The following TGFBI variants were observed in gnomAD, a reference collection of about 807,000 sequenced individuals.
The protein encoded by TGFBI is transforming growth factor beta induced, also known as transforming growth factor-beta-induced protein ig-h3.
A neutral mutation model predicts 73.7 loss-of-function variants in TGFBI; 50 were observed. The ratio of observed to expected loss-of-function variants is 0.68; its 90% confidence interval spans 0.54 to 0.86. The LOEUF (loss-of-function observed/expected upper bound fraction) is 0.86. TGFBI is among the 40% of genes least tolerant of loss of function. The pLI, the probability that TGFBI is intolerant of heterozygous loss-of-function variation, is 0.00. For missense variants in TGFBI, 839 were observed against 877.0 expected, an observed-to-expected ratio of 0.96 and a Z score of 0.55; for synonymous variants, 362 against 360.5, an observed-to-expected ratio of 1.00 and a Z score of -0.05.
intron 5 of TGFBI, 67 bp downstream of exon 5, chr5:136,047,082 G>C (rs1460517978): frequency 6.3e-7 from 1 of 1,584,448 alleles, no homozygotes; most frequent in East Asian, 2.3e-5. Flanking sequence ...TTCCATGTGT[G>C]GGCTGGTTTC....
chr5:136,041,244 C>G (rs758864783), intron 2 of TGFBI, among the ~76,000 whole-genome samples: 1 of 152,212 alleles, frequency 6.6e-6, no homozygotes, highest in Non-Finnish European at 1.5e-5. Flanking sequence ...GAGAGAGCTT[C>G]CTGGCTGAAA....
At position 136,042,758 on chromosome 5, in the gene TGFBI, T is replaced by C. The variant is rs112119202; in HGVS notation, c.234-1300T>C. 6.7e-3 allele frequency among the ~76,000 whole-genome samples: 1,026 copies of C among 152,322 alleles called. 9 individuals are homozygous for C. Among genetic ancestry groups the C allele is most frequent in the African/African-American group, 0.024 (986 of 41,584 alleles). On this transcript the variant is annotated intron_variant, in intron 2 of 16. Coordinates refer to ENST00000442011, the MANE Select transcript of TGFBI (RefSeq NM_000358.3). ...TAGCAAAGTGACAGCTGCAACTCCC[T>C]GGCCACCTGAGCATCTTAGCTGATC...
chr5:136,055,784 C>G lies in TGFBI; in HGVS notation c.1515C>G (p.Val505=). The G allele has an allele frequency of 6.2e-7, 1 of 1,611,974 alleles. No individual in the cohort carries two copies. Among genetic ancestry groups the G allele is most frequent in the Non-Finnish European group, 8.5e-7 (1 of 1,178,508 alleles). ...DRVLTPPMGT[V]MDVLKGDNRF... Reference sequence around the variant, plus strand: ...TGCTGACCCCCCCAATGGGGACTGTCATGGATGTCCTGAAGGGAGACAATC... The same window carrying G: ...TGCTGACCCCCCCAATGGGGACTGTGATGGATGTCCTGAAGGGAGACAATC... Residue 505 remains valine, a synonymous_variant, in exon 11 of 17, where the codon GTC becomes GTG. Coordinates refer to ENST00000442011, the MANE Select transcript of TGFBI (RefSeq NM_000358.3).
intron 4 of TGFBI, 25 bp downstream of exon 4, chr5:136,046,520 G>C: frequency 6.3e-7 from 1 of 1,582,174 alleles, no homozygotes; most frequent in Non-Finnish European, 8.6e-7. Flanking sequence ...GTCTGCCCGG[G>C]GGACTCTTAT....
chr5:136,033,260 T>A (rs1415193692), intron 1 of TGFBI, among the ~76,000 whole-genome samples: 1 of 152,184 alleles, frequency 6.6e-6, no homozygotes, highest in Non-Finnish European at 1.5e-5. Context: ...GAAGTGGGAC[T>A]TGAGCTGTGA....
chr5:136,047,012 T>C lies in TGFBI; in HGVS notation c.621T>C (p.Asn207=). Residue 207 remains asparagine (N), a synonymous_variant, in exon 5 of 17, where the codon AAT becomes AAC. Coordinates refer to ENST00000442011, the MANE Select transcript of TGFBI (RefSeq NM_000358.3). The part of the protein sequence containing the change: ...NSNIQIHHYP[N]GIVTVNCARL... ...ACATCCAGATCCACCACTATCCTAA[T>C]GGGGTAGGGGATCCCCAGCCATACT... 1 of 1,611,408 alleles carries C rather than the reference T, an allele frequency of 6.2e-7. No individual in the cohort carries two copies.
At chr5:136,042,692 A>C (rs747777880) in intron 2 of TGFBI, among the ~76,000 whole-genome samples, 1 of 152,132 alleles carries the variant, frequency 6.6e-6, no homozygotes, top group Non-Finnish European at 1.5e-5. Flanking sequence ...AAGAATGTGC[A>C]TAGCTTGTCA....
At chr5:136,036,733 T>G (rs1383589199) in intron 2 of TGFBI, among the ~76,000 whole-genome samples, 1 of 152,060 alleles carries the variant, frequency 6.6e-6, no homozygotes, top group African/African-American at 2.4e-5. Flanking sequence ...AGGAGCAGAC[T>G]GGGAAATGGG....
intron 12 of TGFBI, 159 bp from the exon 13 acceptor site, chr5:136,058,931 C>T (rs539667474): frequency 2.7e-5 from 23 of 848,312 alleles, no homozygotes; most frequent in South Asian, 2.2e-4. Context: ...TGGGTCACAA[C>T]GTTGAGTATA....
chr5:136,052,686 C>CTCCCAGGG (rs1294228359), intron 7 of TGFBI, among the ~76,000 whole-genome samples: 1 of 152,200 alleles, frequency 6.6e-6, no homozygotes, highest in African/African-American at 2.4e-5. Flanking sequence ...CTAAATGACT[C>CTCCCAGGG]TCCCAGGGTC....
At chr5:136,053,841 C>T (rs576776332) in intron 8 of TGFBI, 102 bp from the exon 9 acceptor site, 466 of 1,538,918 alleles carry the variant, frequency 3.0e-4, no homozygotes, top group African/African-American at 1.4e-3. Context: ...TGTTGACTCA[C>T]GAGATGACAT....
chr5:136,051,714 C>T (rs934615014), intron 7 of TGFBI, among the ~76,000 whole-genome samples: 1 of 152,202 alleles, frequency 6.6e-6, no homozygotes, highest in Non-Finnish European at 1.5e-5. Context: ...GACTAGTTTC[C>T]AGCCCTGGCC....
intron 14 of TGFBI, 128 bp downstream of exon 14, chr5:136,061,064 A>AT: frequency 1.4e-6 from 1 of 704,868 alleles, no homozygotes; most frequent in Non-Finnish European, 2.3e-6. Flanking sequence ...AACTGTGCCT[A>AT]TGTGACTGAT....
intron 13 of TGFBI, 70 bp downstream of exon 13, chr5:136,059,284 C>T (rs895966703): frequency 5.1e-6 from 8 of 1,572,462 alleles, no homozygotes; most frequent in Non-Finnish European, 6.9e-6. Flanking sequence ...ATCTCACCCC[C>T]AGGATGGAAT....
Position 136,046,917 on chromosome 5 carries a change from G to A in TGFBI, c.526G>A (p.Val176Met). The A allele has an allele frequency of 6.2e-7, 1 of 1,613,742 alleles. No individual in the cohort carries two copies. The highest frequency in any genetic ancestry group is 8.5e-7 in the Non-Finnish European group (1 of 1,179,818). Residue 176 changes from valine (V) to methionine (M), a missense_variant, in exon 5 of 17, where the codon GTG becomes ATG. Physicochemically the swap from Val to Met is conservative, Grantham distance 21 (BLOSUM62 1). Coordinates refer to ENST00000442011, the MANE Select transcript of TGFBI (RefSeq NM_000358.3). ...GCTCAATGCCCTCCGCTACCATATG[G>A]TGGGCAGGCGAGTCCTGACTGATGA... ...ELLNALRYHMVGRRVLTDELK... is the reference protein window; with the variant it reads ...ELLNALRYHMMGRRVLTDELK...
chr5:136,053,895 T>C, intron 8 of TGFBI, 48 bp from the exon 9 acceptor site: 1 of 1,607,668 alleles, frequency 6.2e-7, no homozygotes, highest in Non-Finnish European at 8.5e-7. Flanking sequence ...GAATGATAAA[T>C]GAAAACAGCG....
intron 2 of TGFBI, among the ~76,000 whole-genome samples, chr5:136,038,111 C>T (rs1005305138): frequency 2.6e-5 from 4 of 152,186 alleles, no homozygotes; most frequent in Admixed American, 6.5e-5. Flanking sequence ...CAGCGGAGAT[C>T]GACCAAACGC....
chr5:136,049,091 G>A, intron 6 of TGFBI: 1 of 230,272 alleles, frequency 4.3e-6, no homozygotes. Context: ...TGGGAAGTGT[G>A]CCAAGTTGAC....
In TGFBI at chr5:136,063,506, G is replaced by A. The variant is rs1561617182; in HGVS notation, c.*280G>A. 2.4e-6 allele frequency: 1 copy of A among 418,162 alleles called. No individual in the cohort carries two copies. Among genetic ancestry groups the A allele is most frequent in the Non-Finnish European group, 4.3e-6 (1 of 230,012 alleles). The allele number at this position is 418,162 out of a possible 1,614,324, so 25.9% of individuals were successfully genotyped here. A position where few individuals can be genotyped will look rare whatever the true frequency, so the allele number is the denominator to read the frequency against. Reference sequence around the variant, plus strand: ...TCCAGAGAGGACCTATCCCAAATGTGGAATTGACTGCCTATGCCAAGTCCC... The same window carrying A: ...TCCAGAGAGGACCTATCCCAAATGTAGAATTGACTGCCTATGCCAAGTCCC... On this transcript the variant is annotated 3_prime_UTR_variant, in exon 17 of 17. Transcript: ENST00000442011.
Sources: allele counts gnomAD v4.1 joint callset (sites outside exome capture counted in the v4.1 genomes callset), GRCh38; gene constraint gnomAD v4.1.1; transcripts MANE v1.5; gene names NCBI Gene and HGNC (gene_info 2026-07-23, HGNC 2026-07-21).